Variants in PLOD2 observed in about 807,000 individuals in gnomAD.
The protein encoded by PLOD2 is procollagen-lysine,2-oxoglutarate 5-dioxygenase 2.
In PLOD2, 65 loss-of-function variants were observed where a neutral mutation model predicts 101.0. The ratio of observed to expected loss-of-function variants is 0.64; its 90% confidence interval spans 0.53 to 0.79. The LOEUF (loss-of-function observed/expected upper bound fraction) is 0.79. PLOD2 is among the 30% of genes least tolerant of loss of function. The probability of loss-of-function intolerance (pLI) is 0.00; values close to 1 mark genes in which losing one functional copy is unlikely to be tolerated. For missense variants in PLOD2, 909 were observed against 914.6 expected, an observed-to-expected ratio of 0.99 and a Z score of 0.08; for synonymous variants, 314 against 302.9, an observed-to-expected ratio of 1.04 and a Z score of -0.38.
At chr3:146,129,588 T>A (rs547284022) in intron 1 of PLOD2, among the ~76,000 whole-genome samples, 1 of 152,244 alleles carries the variant, frequency 6.6e-6, no homozygotes, top group South Asian at 2.1e-4. Context: ...TTAGTATATA[T>A]AAAGCAGTCG....
chr3:146,147,265 TGACA>T (rs2031823666), intron 1 of PLOD2, among the ~76,000 whole-genome samples: 1 of 152,228 alleles, frequency 6.6e-6, no homozygotes, highest in South Asian at 2.1e-4. Context: ...CCTTAAAAAA[TGACA>T]GACAGTATTT....
rs1008194178 is a variant in PLOD2, at chr3:146,124,211, G to A, written c.128C>T (p.Thr43Ile). 1 of 1,579,666 alleles carries A rather than the reference G, an allele frequency of 6.3e-7. No individual in the cohort carries two copies. The highest frequency in any genetic ancestry group is 1.7e-4 in the Middle Eastern group (1 of 5,988). Residue 43 changes from threonine (T) to isoleucine (I), a missense_variant, in exon 2 of 20, where the codon ACT becomes ATT. By Grantham distance (89) the Thr-to-Ile change is moderately conservative. Transcript: ENST00000282903. ...SIPTDKLLVI[T>I]VATKESDGFH... ...TCCATCACTTTCTTTTGTTGCTACA[G>A]TTATGACTAATAATTTATCTGCAAA...
chr3:146,086,988 C>G (rs143364718), intron 9 of PLOD2, 80 bp from the exon 10 acceptor site: 1 of 732,404 alleles, frequency 1.4e-6, no homozygotes, highest in Non-Finnish European at 2.2e-6. Flanking sequence ...GAGTGCTTCA[C>G]ATTCAAGGTC....
chr3:146,107,476 A>AT (rs1438804073), intron 4 of PLOD2, among the ~76,000 whole-genome samples: 1 of 152,140 alleles, frequency 6.6e-6, no homozygotes, highest in Non-Finnish European at 1.5e-5. Context: ...AGAAAAATCT[A>AT]TTTTTTAACT....
chr3:146,081,716 A>T, intron 12 of PLOD2, 22 bp downstream of exon 12: 1 of 1,586,244 alleles, frequency 6.3e-7, no homozygotes, highest in Non-Finnish European at 8.7e-7. Context: ...TTCACATTAA[A>T]ATATTAAACC....
chr3:146,084,750 T>G (rs1424528418), intron 11 of PLOD2, among the ~76,000 whole-genome samples: 1 of 152,126 alleles, frequency 6.6e-6, no homozygotes, highest in Non-Finnish European at 1.5e-5. Flanking sequence ...CACATATGAC[T>G]GTGGGATGAT....
chr3:146,126,040 G>A (rs1271568529), intron 1 of PLOD2, among the ~76,000 whole-genome samples: 1 of 152,120 alleles, frequency 6.6e-6, no homozygotes, highest in African/African-American at 2.4e-5. Flanking sequence ...AAAGTTAACA[G>A]CAAGGATTTC....
chr3:146,124,296 C>T lies in PLOD2; in HGVS notation c.110-67G>A, dbSNP rs2030406833. On this transcript the variant is annotated intron_variant, in intron 1 of 19. Transcript: ENST00000282903. ...TCAAATGCTCACATTTTACAACTCA[C>T]TACAGTAATTGAGACCTCACTAAAC... is the stretch of plus-strand genomic sequence containing the variant. The T allele has an allele frequency of 1.7e-5, 15 of 866,580 alleles. No homozygotes were observed. The East Asian group carries it at 3.7e-4, about 21-fold the overall frequency. The allele number at this position is 866,580 out of a possible 1,614,324, so 53.7% of individuals were successfully genotyped here. A position where few individuals can be genotyped will look rare whatever the true frequency, so the allele number is the denominator to read the frequency against.
intron 11 of PLOD2, among the ~76,000 whole-genome samples, chr3:146,082,985 A>T (rs1424278388): frequency 6.6e-6 from 1 of 152,218 alleles, no homozygotes; most frequent in Admixed American, 6.5e-5. Context: ...TATTAATCAG[A>T]AACACATGTT....
chr3:146,071,601 C>T (rs1006608628), intron 17 of PLOD2, among the ~76,000 whole-genome samples, 178 bp from the exon 18 acceptor site: 2 of 151,656 alleles, frequency 1.3e-5, no homozygotes, highest in African/African-American at 4.8e-5. Flanking sequence ...ACAGCTTTGT[C>T]AATGATACAA....
At chr3:146,138,856 G>GT (rs1185488285) in intron 1 of PLOD2, among the ~76,000 whole-genome samples, 4 of 152,216 alleles carry the variant, frequency 2.6e-5, no homozygotes, top group African/African-American at 9.6e-5. Flanking sequence ...TTTAATCCAA[G>GT]TATTACTGCT....
intron 1 of PLOD2, among the ~76,000 whole-genome samples, chr3:146,146,772 T>C (rs1191074896): frequency 6.6e-6 from 1 of 152,226 alleles, no homozygotes; most frequent in Non-Finnish European, 1.5e-5. Context: ...ATTTCTGCTA[T>C]TCTAGAAGTC....
At chr3:146,131,983 C>G (rs187512289) in intron 1 of PLOD2, among the ~76,000 whole-genome samples, 3 of 152,132 alleles carry the variant, frequency 2.0e-5, no homozygotes, top group African/African-American at 7.2e-5. Flanking sequence ...GATTTCCTAC[C>G]ATTTTTGTAG....
At chr3:146,157,262 G>A (rs73148997) in intron 1 of PLOD2, among the ~76,000 whole-genome samples, 13,415 of 152,198 alleles carry the variant, frequency 0.088, 761 homozygotes, top group South Asian at 0.14. Context: ...AGATACTGAA[G>A]AGCATAAAAA....
intron 15 of PLOD2, 106 bp from the exon 16 acceptor site, chr3:146,073,458 A>G: frequency 2.2e-6 from 1 of 461,456 alleles, no homozygotes; most frequent in Non-Finnish European, 4.0e-6. Context: ...ATGATTATGT[A>G]TAGTGGACAA....
intron 1 of PLOD2, among the ~76,000 whole-genome samples, chr3:146,146,292 T>C (rs1040188161): frequency 6.6e-6 from 1 of 152,268 alleles, no homozygotes; most frequent in East Asian, 1.9e-4. Context: ...AATCAAATAT[T>C]AAAGGTGCAT....
At chr3:146,140,281 C>CT (rs1334673603) in intron 1 of PLOD2, among the ~76,000 whole-genome samples, 1 of 152,078 alleles carries the variant, frequency 6.6e-6, no homozygotes, top group Non-Finnish European at 1.5e-5. Context: ...AGTCCAGCCT[C>CT]TCAAGATGCC....
chr3:146,082,926 T>A (rs1458650455), intron 11 of PLOD2, among the ~76,000 whole-genome samples: 1 of 151,960 alleles, frequency 6.6e-6, no homozygotes, highest in African/African-American at 2.4e-5. Flanking sequence ...TAAATACACA[T>A]CATGCAAAAT....
intron 8 of PLOD2, among the ~76,000 whole-genome samples, chr3:146,089,159 T>C (rs763881484): frequency 6.6e-6 from 1 of 151,618 alleles, no homozygotes; most frequent in African/African-American, 2.4e-5. Flanking sequence ...AAAGCAATCA[T>C]GGGAGACCTG....
Sources: allele counts gnomAD v4.1 joint callset (sites outside exome capture counted in the v4.1 genomes callset), GRCh38; gene constraint gnomAD v4.1.1; transcripts MANE v1.5; gene names NCBI Gene and HGNC (gene_info 2026-07-23, HGNC 2026-07-21).